IGSF11: variants seen among roughly 807,000 people sequenced by gnomAD.
The protein encoded by IGSF11 is CXADR like 1.
IGSF11 carries 22 observed loss-of-function variants against 41.0 expected under a neutral mutation model. That is an observed-to-expected ratio of 0.54 (90% CI 0.38 to 0.77). The LOEUF is 0.77. IGSF11 is among the 30% of genes least tolerant of loss of function. The pLI, the probability that IGSF11 is intolerant of heterozygous loss-of-function variation, is 0.00. For synonymous variants in IGSF11, 219 were observed against 201.3 expected, an observed-to-expected ratio of 1.09 and a Z score of -0.74; for missense variants, 444 against 530.8, an observed-to-expected ratio of 0.84 and a Z score of 1.61.
At chr3:119,094,714 C>G (rs1182377810) in intron 1 of IGSF11, among the ~76,000 whole-genome samples, 1 of 150,690 alleles carries the variant, frequency 6.6e-6, no homozygotes, top group African/African-American at 2.4e-5. Flanking sequence ...TCTTGTCGCC[C>G]AGGCTGGAGT....
intron 1 of IGSF11, among the ~76,000 whole-genome samples, chr3:118,941,599 A>G (rs542392464): frequency 9.2e-5 from 14 of 152,340 alleles, no homozygotes; most frequent in African/African-American, 3.4e-4. Flanking sequence ...TATACAATCT[A>G]GCAATTCCAA....
At chr3:118,912,654 C>A (rs1440154579) in intron 4 of IGSF11, among the ~76,000 whole-genome samples, 6 of 152,042 alleles carry the variant, frequency 3.9e-5, no homozygotes, top group Non-Finnish European at 8.8e-5. Context: ...GAAGCGTTCA[C>A]ATGAGGGAAA....
intron 1 of IGSF11, among the ~76,000 whole-genome samples, chr3:119,025,091 T>C (rs1201011612): frequency 6.6e-6 from 1 of 152,202 alleles, no homozygotes; most frequent in Non-Finnish European, 1.5e-5. Context: ...GTTTTAATTC[T>C]GAGGATAGAA....
intron 1 of IGSF11, among the ~76,000 whole-genome samples, chr3:118,986,127 A>G (rs934727991): frequency 3.3e-5 from 5 of 152,166 alleles, no homozygotes; most frequent in African/African-American, 4.8e-5. Flanking sequence ...TCTGCCTGGA[A>G]TGTGCGCCCT....
At chr3:119,117,266 C>T (rs1158782209) in intron 1 of IGSF11, among the ~76,000 whole-genome samples, 1 of 151,600 alleles carries the variant, frequency 6.6e-6, no homozygotes, top group Non-Finnish European at 1.5e-5. Context: ...TTTCATCGTG[C>T]TGATAAAGAC....
At chr3:119,006,224 T>C (rs1937485137) in intron 1 of IGSF11, among the ~76,000 whole-genome samples, 1 of 128,308 alleles carries the variant, frequency 7.8e-6, no homozygotes, top group South Asian at 2.7e-4. Context: ...TCATCTTCCA[T>C]CGCTGATACC....
intron 1 of IGSF11, among the ~76,000 whole-genome samples, chr3:119,098,985 C>T (rs970427165): frequency 6.6e-6 from 1 of 152,172 alleles, no homozygotes; most frequent in Admixed American, 6.5e-5. Flanking sequence ...TAACCTACTC[C>T]CTTTGGGAAA....
At chr3:119,021,791 GAC>G (rs1419746460) in intron 1 of IGSF11, among the ~76,000 whole-genome samples, 1 of 151,936 alleles carries the variant, frequency 6.6e-6, no homozygotes, top group Non-Finnish European at 1.5e-5. Flanking sequence ...TTATAGTCAA[GAC>G]ACAAAAAATG....
chr3:118,933,962 C>G (rs1943060351), intron 1 of IGSF11, among the ~76,000 whole-genome samples: 1 of 152,044 alleles, frequency 6.6e-6, no homozygotes, highest in African/African-American at 2.4e-5. Context: ...GTGACCTTAT[C>G]ATAGACTTCC....
chr3:118,980,128 A>C (rs948346558), intron 1 of IGSF11, among the ~76,000 whole-genome samples: 13 of 152,332 alleles, frequency 8.5e-5, no homozygotes, highest in African/African-American at 1.7e-4. Flanking sequence ...CAACAACAAC[A>C]ACCACAAACA....
At chr3:119,143,560 T>G (rs2077677414) in intron 1 of IGSF11, among the ~76,000 whole-genome samples, 1 of 151,970 alleles carries the variant, frequency 6.6e-6, no homozygotes, top group South Asian at 2.1e-4. Flanking sequence ...ATGGAAGAAC[T>G]GAGGAACAGA....
intron 1 of IGSF11, among the ~76,000 whole-genome samples, chr3:119,004,009 T>C (rs1286819667): frequency 1.3e-5 from 2 of 152,106 alleles, no homozygotes; most frequent in Non-Finnish European, 2.9e-5. Flanking sequence ...CCTCTTTTTT[T>C]ATTGATTGGA....
intron 1 of IGSF11, among the ~76,000 whole-genome samples, chr3:119,045,272 G>T (rs1941283509): frequency 6.6e-6 from 1 of 152,224 alleles, no homozygotes; most frequent in South Asian, 2.1e-4. Context: ...AGTGGGCGCA[G>T]GTCAGTGGGT....
At chr3:118,943,132 C>T (rs1349832892) in intron 1 of IGSF11, 1 of 152,240 alleles carries the variant, frequency 6.6e-6, no homozygotes, top group Admixed American at 6.5e-5. Context: ...GGGGCTCGAA[C>T]AAAAAGCAGT....
chr3:118,995,943 T>G (rs1156581933), intron 1 of IGSF11, among the ~76,000 whole-genome samples: 1 of 152,116 alleles, frequency 6.6e-6, no homozygotes, highest in Admixed American at 6.6e-5. Context: ...CCACTGCACC[T>G]GGCTAATTTT....
At chr3:119,053,134 A>T (rs1941693456) in intron 1 of IGSF11, among the ~76,000 whole-genome samples, 1 of 152,206 alleles carries the variant, frequency 6.6e-6, no homozygotes, top group Non-Finnish European at 1.5e-5. Context: ...TAGTACTGGA[A>T]GTCCTAGCCA....
At chr3:118,955,332 C>A (rs185031726) in intron 1 of IGSF11, among the ~76,000 whole-genome samples, 1 of 151,912 alleles carries the variant, frequency 6.6e-6, no homozygotes, top group Admixed American at 6.6e-5. Flanking sequence ...CCAGATGGAA[C>A]CGGAGACCAT....
chr3:119,063,501 T>G (rs1019454519), intron 1 of IGSF11, among the ~76,000 whole-genome samples: 4 of 152,046 alleles, frequency 2.6e-5, no homozygotes, highest in Admixed American at 6.6e-5. Context: ...TGCACAGACA[T>G]GAACAGTGCA....
At chr3:119,001,717 C>T (rs1238522136) in intron 1 of IGSF11, among the ~76,000 whole-genome samples, 18 of 149,412 alleles carry the variant, frequency 1.2e-4, no homozygotes, top group African/African-American at 4.2e-4. Flanking sequence ...TGAGAATATG[C>T]AGTGTTTGGT....
Sources: gnomAD v4.1 joint callset for allele counts (sites outside exome capture counted in the v4.1 genomes callset) on GRCh38, gnomAD v4.1.1 for gene constraint, MANE v1.5 for transcripts, NCBI Gene and HGNC (gene_info 2026-07-23, HGNC 2026-07-21) for gene names.